COL17A1: variants seen among roughly 807,000 people sequenced by gnomAD.
COL17A1 encodes the protein collagen alpha-1(XVII) chain.
A neutral mutation model predicts 218.4 loss-of-function variants in COL17A1; 181 were observed. The ratio of observed to expected loss-of-function variants is 0.83; its 90% CI spans 0.73 to 0.94. COL17A1 has a LOEUF of 0.94. Ranked by LOEUF, COL17A1 falls within the 40% of genes least tolerant of loss-of-function variation. The probability of loss-of-function intolerance (pLI) is 0.00; values close to 1 mark genes in which losing one functional copy is unlikely to be tolerated. For synonymous variants in COL17A1, 721 were observed against 731.0 expected, an observed-to-expected ratio of 0.99 and a Z score of 0.22; for missense variants, 1,924 against 1,945.9, an observed-to-expected ratio of 0.99 and a Z score of 0.21.
Position 104,054,973 on chromosome 10 carries a change from A to C in COL17A1, c.1744+8T>G, listed in dbSNP as rs2086505901. ...TATTTAAGGTAAAAATGCCCATGTT[A>C]TAATTACCTTTAGGGCCTGGACTTC... On this transcript the variant is annotated splice_region_variant and intron_variant, in intron 20 of 55. Coordinates refer to ENST00000648076, the MANE Select transcript of COL17A1 (RefSeq NM_000494.4). The C allele has an allele frequency of 1.2e-6, 2 of 1,614,204 alleles. No individual in the cohort carries two copies. The highest frequency in any genetic ancestry group is 2.2e-5 in the South Asian group (2 of 91,074).
In COL17A1 at chr10:104,060,119, TTGC is replaced by T; in HGVS notation, c.1138_1140del (p.Ala380del). 6.2e-7 allele frequency: 1 copy of T among 1,614,074 alleles called. No individual in the cohort carries two copies. The highest frequency in any genetic ancestry group is 8.5e-7 in the Non-Finnish European group (1 of 1,180,020). ...CCAAGCCACACAGGATCTGACGCAC[TTGC>T]AGCGATGCTGGCAGGGGAGGCTGTA... On this transcript the variant is annotated inframe_deletion and splice_region_variant, in exon 14 of 56. Transcript: ENST00000648076.
At chr10:104,037,992 G>T (rs895727699) in intron 45 of COL17A1, among the ~76,000 whole-genome samples, 3 of 152,348 alleles carry the variant, frequency 2.0e-5, no homozygotes, top group Admixed American at 2.0e-4. Context: ...TGGCCCATGA[G>T]GGCTGTGGGC....
At chr10:104,036,066 ATGTGTATGGGAGTGTGTATGGGAGTGTG>A (rs1564671191) in intron 48 of COL17A1, among the ~76,000 whole-genome samples, 15 of 8,052 alleles carry the variant, frequency 1.9e-3, no homozygotes, top group East Asian at 5.0e-3. Context: ...GTATGGGAGT[ATGTGTATGGGAGTGTGTATGGGAGTGTG>A]TGTGTATGGG....
chr10:104,074,730 C>A (rs1410348735), intron 5 of COL17A1, among the ~76,000 whole-genome samples: 1 of 152,238 alleles, frequency 6.6e-6, no homozygotes, highest in East Asian at 1.9e-4. Flanking sequence ...TTTGGGGCTT[C>A]CCAACAGCCC....
At chr10:104,040,141 G>A (rs1338275511) in intron 40 of COL17A1, 142 bp from the exon 41 acceptor site, 3 of 1,042,304 alleles carry the variant, frequency 2.9e-6, no homozygotes, top group Non-Finnish European at 4.5e-6. Flanking sequence ...CTCTCACTAG[G>A]CCAATGTTGG....
intron 29 of COL17A1, 76 bp downstream of exon 29, chr10:104,049,333 G>C: frequency 2.9e-6 from 4 of 1,358,828 alleles, no homozygotes; most frequent in Non-Finnish European, 4.2e-6. Context: ...GGCAGCTCTA[G>C]AAGACGGATC....
At position 104,053,046 on chromosome 10, in the gene COL17A1, C is replaced by T. The variant is rs1355049519; in HGVS notation, c.1924G>A (p.Glu642Lys). Reference protein sequence around the residue: ...RGEAGPPGSGEKGERGAAGEP... With the variant: ...RGEAGPPGSGKKGERGAAGEP... ...TGCCTCTTACCTCTTTCCCCTTTCT[C>T]TCCAGATCCAGGAGGCCCTGCCTCA... is the stretch of plus-strand genomic sequence containing the variant. Residue 642 changes from glutamate (E) to lysine (K), a missense_variant, in exon 23 of 56, where the codon GAG becomes AAG. Physicochemically the swap from Glu to Lys is moderately conservative, Grantham distance 56. Transcript: ENST00000648076. 1.2e-6 allele frequency: 2 copies of T among 1,614,166 alleles called. No individual in the cohort carries two copies. Among genetic ancestry groups the T allele is most frequent in the Admixed American group, 1.7e-5 (1 of 60,034 alleles).
Position 104,053,116 on chromosome 10 carries a change from G to A in COL17A1, c.1854C>T (p.Gly618=), listed in dbSNP as rs776835387. 2 of 1,613,452 alleles carry A rather than the reference G, an allele frequency of 1.2e-6. No individual in the cohort carries two copies. The highest frequency in any genetic ancestry group is 4.5e-5 in the East Asian group (2 of 44,852). ...CTTCTCGCCCTCTCTGGCCCATGGG[G>A]CCTTCCATGCCAGGATCTCCTAAAG... ...KGSVGDPGME[G]PMGQRGREGP... The change falls in exon 23 of 56, where the codon GGC becomes GGT. Residue 618 remains glycine, a synonymous_variant. Transcript: ENST00000648076.
Position 104,076,367 on chromosome 10 carries a change from T to G in COL17A1, c.265A>C (p.Thr89Pro). 6.2e-7 allele frequency: 1 copy of G among 1,613,908 alleles called. No homozygotes were observed. Among genetic ancestry groups the G allele is most frequent in the Non-Finnish European group, 8.5e-7 (1 of 1,179,948 alleles). ...SYRRAHSPAS[T>P]LPNSPGSTFE... ...GTTGAGCCTGGGGAGTTGGGCAGAG[T>G]GGAGGCAGGTGAGTGAGCCCTCCTG... Residue 89 changes from threonine to proline, a missense_variant, in exon 5 of 56, where the codon ACT becomes CCT. By Grantham distance (38) the Thr-to-Pro change is conservative. Coordinates refer to ENST00000648076, the MANE Select transcript of COL17A1 (RefSeq NM_000494.4).
At chr10:104,048,981 A>C (rs934252142) in intron 29 of COL17A1, among the ~76,000 whole-genome samples, 3 of 152,064 alleles carry the variant, frequency 2.0e-5, no homozygotes, top group Non-Finnish European at 4.4e-5. Flanking sequence ...GAATCACTGC[A>C]CCTGGCTACC....
chr10:104,045,291 C>T (rs955345592), intron 33 of COL17A1, among the ~76,000 whole-genome samples: 3 of 152,182 alleles, frequency 2.0e-5, no homozygotes, highest in Admixed American at 6.5e-5. Context: ...CTAAAGCCTC[C>T]TCTCAGGAAG....
chr10:104,083,667 C>T (rs2134668867), intron 1 of COL17A1, among the ~76,000 whole-genome samples: 1 of 152,326 alleles, frequency 6.6e-6, no homozygotes, highest in South Asian at 2.1e-4. Flanking sequence ...TACACACACA[C>T]ACAAGGACAA....
At chr10:104,063,863 A>G in intron 10 of COL17A1, 45 bp from the exon 11 acceptor site, 1 of 1,611,804 alleles carries the variant, frequency 6.2e-7, no homozygotes, top group South Asian at 1.1e-5. Context: ...CATCTGGCCC[A>G]GATAGGGATA....
intron 4 of COL17A1, 119 bp from the exon 5 acceptor site, chr10:104,076,548 C>G: frequency 7.5e-7 from 1 of 1,328,786 alleles, no homozygotes; most frequent in Non-Finnish European, 1.1e-6. Context: ...GAGGGCACAG[C>G]TGAAAGGGGC....
At chr10:104,057,692 GT>G (rs1427040911) in intron 16 of COL17A1, among the ~76,000 whole-genome samples, 1 of 151,788 alleles carries the variant, frequency 6.6e-6, no homozygotes, top group Admixed American at 6.6e-5. Context: ...TTAAAACAAT[GT>G]TTTTTGTAAT....
chr10:104,076,129 G>GTGAA (rs1219676615), intron 5 of COL17A1, among the ~76,000 whole-genome samples, 172 bp downstream of exon 5: 1 of 152,234 alleles, frequency 6.6e-6, no homozygotes, highest in Non-Finnish European at 1.5e-5. Context: ...AAATGAGGTA[G>GTGAA]TGAATGAATG....
intron 7 of COL17A1, among the ~76,000 whole-genome samples, chr10:104,072,851 C>T (rs144061442): frequency 3.5e-4 from 53 of 152,204 alleles, no homozygotes; most frequent in African/African-American, 1.1e-3. Context: ...CATCTTTTGA[C>T]GTGTAAAGGC....
chr10:104,067,170 A>T (rs1311814784), intron 9 of COL17A1, among the ~76,000 whole-genome samples: 1 of 152,116 alleles, frequency 6.6e-6, no homozygotes, highest in Non-Finnish European at 1.5e-5. Flanking sequence ...TCCCAGATGG[A>T]ATAACAATAA....
In COL17A1 at chr10:104,074,218, G is replaced by T; in HGVS notation, c.345C>A (p.Gly115=). The T allele has an allele frequency of 6.2e-7, 1 of 1,614,184 alleles. No homozygotes were observed. The highest frequency in any genetic ancestry group is 1.7e-5 in the Admixed American group (1 of 60,030). The part of the protein sequence containing the change: ...TRHAYEGSSS[G]NSSPEYPRKE... ...TCCGAGGGTACTCCGGAGAAGAGTTGCCACTGGAGCTCCCTGGAGAGGGGA... is the reference window on the plus strand; with the variant it reads ...TCCGAGGGTACTCCGGAGAAGAGTTTCCACTGGAGCTCCCTGGAGAGGGGA... The change falls in exon 6 of 56, where the codon GGC becomes GGA. Residue 115 remains glycine (G), a synonymous_variant. Coordinates refer to ENST00000648076, the MANE Select transcript of COL17A1 (RefSeq NM_000494.4).
Sources: gnomAD v4.1 joint callset for allele counts (sites outside exome capture counted in the v4.1 genomes callset) on GRCh38, gnomAD v4.1.1 for gene constraint, MANE v1.5 for transcripts, NCBI Gene and HGNC (gene_info 2026-07-23, HGNC 2026-07-21) for gene names.